NRXN1: variants seen among roughly 807,000 people sequenced by gnomAD.
NRXN1 encodes neurexin 1, also known as neurexin-1.
In NRXN1, 39 loss-of-function variants were observed where a neutral mutation model predicts 150.9. The observed-to-expected ratio is 0.26, with a 90% CI of 0.20 to 0.34. The LOEUF (loss-of-function observed/expected upper bound fraction) is 0.34, where lower values mean the gene tolerates loss of function less well. NRXN1 is among the 10% of genes least tolerant of loss of function. The pLI is 1.00. For synonymous variants in NRXN1, 924 were observed against 757.0 expected (o/e 1.22, Z -3.62); for missense variants, 1,815 against 1,949.9 (o/e 0.93, Z 1.30).
At chr2:50,903,774 A>C (rs972343142) in intron 5 of NRXN1, among the ~76,000 whole-genome samples, 1 of 152,190 alleles carries the variant, frequency 6.6e-6, no homozygotes, top group Non-Finnish European at 1.5e-5. Flanking sequence ...TCAGAGCTGA[A>C]TGGCTCAAAG....
At chr2:50,528,545 GCT>G (rs879193242) in intron 12 of NRXN1, 78 bp downstream of exon 12, 1,335 of 765,048 alleles carry the variant, frequency 1.7e-3, no homozygotes, top group Admixed American at 2.7e-3. Flanking sequence ...CATTTCTCTT[GCT>G]CTCTCTCTCT....
intron 17 of NRXN1, among the ~76,000 whole-genome samples, chr2:50,443,805 T>G (rs994943931): frequency 6.6e-6 from 1 of 152,202 alleles, no homozygotes; most frequent in Non-Finnish European, 1.5e-5. Flanking sequence ...ACTAAACATG[T>G]AAAACCTTCC....
rs2091945541 is a variant in NRXN1 at position 50,501,493 on chromosome 2, A to G, written c.2498-3779T>C. On this transcript the variant is annotated intron_variant, in intron 13 of 22. Coordinates refer to ENST00000401669, the MANE Select transcript of NRXN1 (RefSeq NM_001330078.2). Reference sequence around the variant, plus strand: ...GGCAGTTATAGTAGAAATGAAAATCATCAACAAAAAGATAATTTCACAGAT... The same window carrying G: ...GGCAGTTATAGTAGAAATGAAAATCGTCAACAAAAAGATAATTTCACAGAT... Among the ~76,000 whole-genome samples, 5 of 151,866 alleles carry G rather than the reference A, an allele frequency of 3.3e-5. No individual in the cohort carries two copies. In the South Asian group the frequency reaches 1.0e-3, roughly 32 times the overall value.
At chr2:50,968,610 T>C (rs1694502496) in intron 2 of NRXN1, among the ~76,000 whole-genome samples, 1 of 152,250 alleles carries the variant, frequency 6.6e-6, no homozygotes, top group South Asian at 2.1e-4. Context: ...AATTATCTCG[T>C]TACTAGATCA....
intron 5 of NRXN1, among the ~76,000 whole-genome samples, chr2:50,811,309 T>C (rs905856624): frequency 7.2e-5 from 11 of 152,302 alleles, no homozygotes; most frequent in African/African-American, 2.4e-4. Flanking sequence ...TTTTCTTTTA[T>C]CCTATTGAAA....
At chr2:50,841,159 CA>C (rs1332491892) in intron 5 of NRXN1, 2 of 152,658 alleles carry the variant, frequency 1.3e-5, no homozygotes, top group South Asian at 2.1e-4. Context: ...AGGAAAGAGA[CA>C]GACTAAATGT....
chr2:50,223,180 A>G (rs1471720536), intron 18 of NRXN1, among the ~76,000 whole-genome samples: 1 of 151,914 alleles, frequency 6.6e-6, no homozygotes, highest in Non-Finnish European at 1.5e-5. Context: ...AGAATACCAA[A>G]AAATTAGTAA....
chr2:50,296,503 C>A (rs555233764), intron 17 of NRXN1, among the ~76,000 whole-genome samples: 25 of 105,412 alleles, frequency 2.4e-4, no homozygotes, highest in Non-Finnish European at 4.6e-4. Context: ...TCCATGTGTA[C>A]CCATTGCTTA....
At chr2:50,541,412 G>A (rs1027386025) in intron 9 of NRXN1, among the ~76,000 whole-genome samples, 2 of 152,070 alleles carry the variant, frequency 1.3e-5, no homozygotes, top group African/African-American at 2.4e-5. Context: ...CTCACTCTAA[G>A]GGGCAAAACG....
intron 17 of NRXN1, among the ~76,000 whole-genome samples, chr2:50,392,850 G>C (rs2081817964): frequency 6.6e-6 from 1 of 152,042 alleles, no homozygotes; most frequent in Non-Finnish European, 1.5e-5. Context: ...TTGGTACAGT[G>C]GTGTGCACCT....
intron 18 of NRXN1, among the ~76,000 whole-genome samples, chr2:50,197,844 C>T (rs1455438697): frequency 6.6e-6 from 1 of 152,126 alleles, no homozygotes; most frequent in Non-Finnish European, 1.5e-5. Context: ...TGGACTACAA[C>T]ATAAGAGAAT....
chr2:50,236,831 C>T lies in NRXN1; in HGVS notation c.3504G>A (p.Val1168=), dbSNP rs1222516367. 2 of 1,613,110 alleles carry T rather than the reference C, an allele frequency of 1.2e-6. No homozygotes were observed. The highest frequency in any genetic ancestry group is 1.3e-5 in the African/African-American group (1 of 74,808). ...TVQKEAVLVR[V]DSSSGLGDYL... ...AGTCACCCAAGCCTGAAGAACTGTC[C>T]ACTCGCACCAATACGGCTTCTTTCT... is the stretch of plus-strand genomic sequence containing the variant. The change falls in exon 18 of 23, where the codon GTG becomes GTA. Residue 1168 remains valine, a synonymous_variant. Coordinates refer to ENST00000401669, the MANE Select transcript of NRXN1 (RefSeq NM_001330078.2).
chr2:50,376,995 T>G (rs1369398637), intron 17 of NRXN1, among the ~76,000 whole-genome samples: 1 of 152,058 alleles, frequency 6.6e-6, no homozygotes, highest in African/African-American at 2.4e-5. Context: ...GGATTTCCTT[T>G]ATTATTAGTG....
At chr2:51,025,519 T>G (rs776300401) in intron 2 of NRXN1, among the ~76,000 whole-genome samples, 1 of 152,176 alleles carries the variant, frequency 6.6e-6, no homozygotes, top group Non-Finnish European at 1.5e-5. Context: ...CAAGCTGTCA[T>G]TGTGTCATAT....
intron 16 of NRXN1, among the ~76,000 whole-genome samples, chr2:50,470,439 C>A (rs898865117): frequency 6.6e-6 from 1 of 151,758 alleles, no homozygotes; most frequent in Admixed American, 6.6e-5. Context: ...CCATTACTAA[C>A]CTTATCCTCT....
At position 50,346,718 on chromosome 2, in the gene NRXN1, A is replaced by T; in HGVS notation, c.3365-109748T>A. On this transcript the variant is annotated intron_variant, in intron 17 of 22. Transcript: ENST00000401669. The surrounding 1 kb of genome is among the most constrained non-coding windows in gnomAD (Gnocchi z 5.0). ...TGTCCGCCTCGCAAGGATGCCGGTG[A>T]CCTGTAGATTGCAATAGGCACTGAA... 6.2e-7 allele frequency: 1 copy of T among 1,613,770 alleles called. No homozygotes were observed. Among genetic ancestry groups the T allele is most frequent in the Non-Finnish European group, 8.5e-7 (1 of 1,179,858 alleles).
At chr2:50,735,744 C>T (rs184433577) in intron 5 of NRXN1, among the ~76,000 whole-genome samples, 111 of 152,288 alleles carry the variant, frequency 7.3e-4, no homozygotes, top group Middle Eastern at 6.8e-3. Flanking sequence ...AGGTCCAGAT[C>T]CACATATTCA....
In NRXN1 at chr2:49,939,703, T is replaced by C. The variant is rs1216409195; in HGVS notation, c.4216+4001A>G. On this transcript the variant is annotated intron_variant, in intron 22 of 22. Transcript: ENST00000401669. Reference sequence around the variant, plus strand: ...GTAAAAGGGAAAATAGCTTGGAATATTCTTTTTGTATAACTGAATTGGGGG... The same window carrying C: ...GTAAAAGGGAAAATAGCTTGGAATACTCTTTTTGTATAACTGAATTGGGGG... 2.0e-5 allele frequency among the ~76,000 whole-genome samples: 3 copies of C among 152,172 alleles called. No individual in the cohort carries two copies. The East Asian group carries it at 5.8e-4, about 29-fold the overall frequency.
intron 21 of NRXN1, among the ~76,000 whole-genome samples, chr2:50,002,751 A>C (rs1238650089): frequency 1.3e-5 from 2 of 152,080 alleles, no homozygotes; most frequent in African/African-American, 4.8e-5. Context: ...ATCTGTGTAC[A>C]AGTTTAAGCT....
Sources: allele counts gnomAD v4.1 joint callset (sites outside exome capture counted in the v4.1 genomes callset), GRCh38; gene constraint gnomAD v4.1.1; non-coding constraint Gnocchi (gnomAD v3.1); transcripts MANE v1.5; gene names NCBI Gene and HGNC (gene_info 2026-07-23, HGNC 2026-07-21).